UMODL1: variants seen among roughly 807,000 people sequenced by gnomAD.
UMODL1 encodes the protein uromodulin like 1.
In UMODL1, 128 loss-of-function variants were observed where a neutral mutation model predicts 136.3. That is an observed-to-expected ratio of 0.94 (90% confidence interval 0.81 to 1.09). The LOEUF (loss-of-function observed/expected upper bound fraction) is 1.09. Ranked by LOEUF, UMODL1 falls within the 50% of genes least tolerant of loss-of-function variation. The pLI, the probability that UMODL1 is intolerant of heterozygous loss-of-function variation, is 0.00. For synonymous variants in UMODL1, 721 were observed against 720.0 expected (o/e 1.00, Z -0.02); for missense variants, 1,766 against 1,725.6 (o/e 1.02, Z -0.41).
Position 42,126,950 on chromosome 21 carries a change from G to A in UMODL1, c.3294-56G>A, listed in dbSNP as rs1601270016. 1.2e-5 allele frequency: 17 copies of A among 1,389,898 alleles called. No individual in the cohort carries two copies. In the East Asian group the frequency reaches 3.7e-4, roughly 30 times the overall value. The allele number at this position is 1,389,898 out of a possible 1,614,324, so 86.1% of individuals were successfully genotyped here. A position where few individuals can be genotyped will look rare whatever the true frequency, so the allele number is the denominator to read the frequency against. On this transcript the variant is annotated intron_variant, in intron 18 of 22. Coordinates refer to ENST00000408910, the MANE Select transcript of UMODL1 (RefSeq NM_001004416.3). Reference sequence around the variant, plus strand: ...TTAGGGGAGAAGTGGGAATGGGAGGGGCCACGATAATGCGCCTCCTGAAAC... The same window carrying A: ...TTAGGGGAGAAGTGGGAATGGGAGGAGCCACGATAATGCGCCTCCTGAAAC...
chr21:42,128,323 C>A (rs185598424), intron 20 of UMODL1, among the ~76,000 whole-genome samples: 2 of 152,156 alleles, frequency 1.3e-5, no homozygotes, highest in African/African-American at 2.4e-5. Flanking sequence ...TTGAAATATG[C>A]TTTGTAATCC....
intron 6 of UMODL1, among the ~76,000 whole-genome samples, chr21:42,097,275 T>G (rs1167558068): frequency 1.3e-5 from 2 of 152,240 alleles, no homozygotes; most frequent in African/African-American, 2.4e-5. Flanking sequence ...TGATCCTGTC[T>G]GAGTGAAGCC....
chr21:42,113,965 C>T (rs55981015), intron 13 of UMODL1, 135 bp downstream of exon 13: 213,348 of 1,282,296 alleles, frequency 0.17, 18,550 homozygotes, highest in Admixed American at 0.22. Context: ...TAGGGACATC[C>T]GGCTGGCTTC....
intron 17 of UMODL1, among the ~76,000 whole-genome samples, chr21:42,125,365 G>A (rs546311021): frequency 1.3e-5 from 2 of 152,182 alleles, no homozygotes; most frequent in South Asian, 4.1e-4. Context: ...GGAAGCTGAG[G>A]GATTCACGTG....
intron 11 of UMODL1, 68 bp downstream of exon 11, chr21:42,111,189 G>C (rs200737746): frequency 6.5e-7 from 1 of 1,539,484 alleles, no homozygotes; most frequent in Non-Finnish European, 8.7e-7. Context: ...CCCAGCCAGG[G>C]GAGCCCCAGC....
chr21:42,117,336 G>A (rs1481725786), intron 14 of UMODL1, among the ~76,000 whole-genome samples: 3 of 152,164 alleles, frequency 2.0e-5, no homozygotes, highest in African/African-American at 4.8e-5. Flanking sequence ...TTCATTCACC[G>A]AGCGCACTGG....
At chr21:42,112,942 T>G (rs1216329658) in intron 12 of UMODL1, 1 of 152,700 alleles carries the variant, frequency 6.5e-6, no homozygotes, top group Non-Finnish European at 1.5e-5. Flanking sequence ...AGGTGACATC[T>G]CAGGAGATTC....
chr21:42,132,498 A>G (rs1201913416), intron 21 of UMODL1, among the ~76,000 whole-genome samples: 1 of 151,220 alleles, frequency 6.6e-6, no homozygotes, highest in Non-Finnish European at 1.5e-5. Flanking sequence ...TCGTCCATCT[A>G]TCATTCATCC....
chr21:42,076,015 C>G lies in UMODL1; in HGVS notation c.87C>G (p.Leu29=), dbSNP rs751692985. The change falls in exon 2 of 23, where the codon CTC becomes CTG. Residue 29 remains leucine, a synonymous_variant. Coordinates refer to ENST00000408910, the MANE Select transcript of UMODL1 (RefSeq NM_001004416.3). ...CTTGGCCTCTTTCAGAAAAAGGCCT[C>G]TCCCTGTTGGGCTACCAGCTATGCA... is the stretch of plus-strand genomic sequence containing the variant. ...SQASGFTEKG[L]SLLGYQLCSH... 1.2e-6 allele frequency: 2 copies of G among 1,613,896 alleles called. No homozygotes were observed. Among genetic ancestry groups the G allele is most frequent in the Non-Finnish European group, 1.7e-6 (2 of 1,179,754 alleles).
intron 2 of UMODL1, among the ~76,000 whole-genome samples, chr21:42,082,814 C>T (rs1244835013): frequency 6.6e-6 from 1 of 152,206 alleles, no homozygotes; most frequent in Admixed American, 6.5e-5. Flanking sequence ...CTTCTCCTTG[C>T]CCTCCTCTTG....
At chr21:42,133,745 A>G (rs2067163625) in intron 21 of UMODL1, among the ~76,000 whole-genome samples, 1 of 152,202 alleles carries the variant, frequency 6.6e-6, no homozygotes, top group Non-Finnish European at 1.5e-5. Context: ...CCCCGTCTGC[A>G]CATGGCCTTC....
At chr21:42,111,754 C>T (rs1452852011) in intron 12 of UMODL1, 44 bp downstream of exon 12, 20 of 1,530,256 alleles carry the variant, frequency 1.3e-5, no homozygotes, top group Admixed American at 1.9e-5. Context: ...CTAATAGGAC[C>T]CATAGCCTGT....
At chr21:42,102,357 C>T in intron 8 of UMODL1, 79 bp downstream of exon 8, 1 of 1,100,094 alleles carries the variant, frequency 9.1e-7, no homozygotes, top group Middle Eastern at 2.1e-4. Context: ...TAATTCCTGC[C>T]CAGCTCTTCC....
At position 42,104,037 on chromosome 21, in the gene UMODL1, T is replaced by C. The variant is rs1488938563; in HGVS notation, c.1469T>C (p.Leu490Pro). The change falls in exon 9 of 23, where the codon CTG (leucine) becomes CCG (proline). Residue 490 changes from leucine to proline, a missense_variant. Leu to Pro is a moderately conservative substitution (Grantham distance 98). Coordinates refer to ENST00000408910, the MANE Select transcript of UMODL1 (RefSeq NM_001004416.3). ...ACGCTGGCCCCCATACTCCAGCCCCTGTTGGCAAGCACAGTGTTCCAGATT... is the reference window on the plus strand; with the variant it reads ...ACGCTGGCCCCCATACTCCAGCCCCCGTTGGCAAGCACAGTGTTCCAGATT... ...ISTLAPILQP[L>P]LASTVFQIDR... 1 of 1,613,864 alleles carries C rather than the reference T, an allele frequency of 6.2e-7. No individual in the cohort carries two copies. The highest frequency in any genetic ancestry group is 1.3e-5 in the African/African-American group (1 of 74,986).
upstream of UMODL1, among the ~76,000 whole-genome samples, chr21:42,067,061 G>T (rs907755643): frequency 6.7e-6 from 1 of 149,402 alleles, no homozygotes; most frequent in Non-Finnish European, 1.5e-5. Flanking sequence ...TGCAACCTCC[G>T]CCTCCTGGGT....
At chr21:42,070,785 G>A (rs979374447), upstream of UMODL1, among the ~76,000 whole-genome samples, 1 of 152,240 alleles carries the variant, frequency 6.6e-6, no homozygotes, top group Non-Finnish European at 1.5e-5. Context: ...CAAGCTCCGG[G>A]AGGAGAGGAC....
At chr21:42,083,960 C>A in intron 2 of UMODL1, 124 bp from the exon 3 acceptor site, 1 of 1,233,406 alleles carries the variant, frequency 8.1e-7, no homozygotes, top group Non-Finnish European at 1.1e-6. Flanking sequence ...GGGGATGGGC[C>A]CCGAACAGGC....
chr21:42,081,778 G>A (rs916876977), intron 2 of UMODL1, among the ~76,000 whole-genome samples: 1 of 152,190 alleles, frequency 6.6e-6, no homozygotes, highest in Non-Finnish European at 1.5e-5. Flanking sequence ...ACTGGGCATT[G>A]TCGGGAAACT....
At chr21:42,118,457 C>G (rs973887002) in intron 14 of UMODL1, among the ~76,000 whole-genome samples, 2 of 152,228 alleles carry the variant, frequency 1.3e-5, no homozygotes, top group African/African-American at 4.8e-5. Flanking sequence ...GTTTGCCTTT[C>G]TGAGTGCTTT....
Sources: allele counts gnomAD v4.1 joint callset (sites outside exome capture counted in the v4.1 genomes callset), GRCh38; gene constraint gnomAD v4.1.1; transcripts MANE v1.5; gene names NCBI Gene and HGNC (gene_info 2026-07-23, HGNC 2026-07-21).